KCNT2: variants seen among roughly 807,000 people sequenced by gnomAD.
The protein encoded by KCNT2 is potassium sodium-activated channel subfamily T member 2.
Under a neutral mutation model 153.8 loss-of-function variants are expected in KCNT2, and 67 were observed. The observed-to-expected ratio is 0.44, with a 90% CI of 0.36 to 0.53. The LOEUF is 0.53. Ranked by LOEUF, KCNT2 falls within the 20% of genes least tolerant of loss-of-function variation. KCNT2 has a pLI of 0.00. For missense variants in KCNT2, 975 were observed against 1,354.8 expected (o/e 0.72, Z 4.40); for synonymous variants, 500 against 458.8 (o/e 1.09, Z -1.15).
intron 22 of KCNT2, among the ~76,000 whole-genome samples, chr1:196,291,379 C>A (rs1276007560): frequency 6.6e-6 from 1 of 151,824 alleles, no homozygotes; most frequent in East Asian, 1.9e-4. Context: ...TTTTCAAAAC[C>A]TATTGACTTT....
At chr1:196,335,286 C>A (rs1282011678) in intron 16 of KCNT2, among the ~76,000 whole-genome samples, 3 of 152,066 alleles carry the variant, frequency 2.0e-5, no homozygotes, top group Non-Finnish European at 4.4e-5. Flanking sequence ...TTGGTGATTT[C>A]TTAGATATTC....
chr1:196,247,250 A>G (rs534605421), intron 26 of KCNT2, among the ~76,000 whole-genome samples: 7 of 152,206 alleles, frequency 4.6e-5, no homozygotes, highest in Admixed American at 1.3e-4. Context: ...GAAAATATAC[A>G]TGCAACCAAC....
intron 18 of KCNT2, among the ~76,000 whole-genome samples, chr1:196,327,647 T>C (rs1467040579): frequency 1.3e-5 from 2 of 149,892 alleles, no homozygotes; most frequent in African/African-American, 5.0e-5. Context: ...GGAACATTTA[T>C]CACCTCTGGA....
Position 196,313,150 on chromosome 1 carries a change from G to A in KCNT2, c.2483+2742C>T, listed in dbSNP as rs11806529. On this transcript the variant is annotated intron_variant, in intron 21 of 27. Coordinates refer to ENST00000294725, the MANE Select transcript of KCNT2 (RefSeq NM_198503.5). ...TGAATCTGGGTAAGGAAGGGAAAAAGCCCTCAGGTGACTAGGGTAAGTAAA... is the reference window on the plus strand; with the variant it reads ...TGAATCTGGGTAAGGAAGGGAAAAAACCCTCAGGTGACTAGGGTAAGTAAA... Among the ~76,000 whole-genome samples, 5 of 151,754 alleles carry A rather than the reference G, an allele frequency of 3.3e-5. No individual in the cohort carries two copies. The Admixed American group carries it at 3.3e-4, about 10-fold the overall frequency.
At chr1:196,564,347 T>C (rs1043126518) in intron 1 of KCNT2, among the ~76,000 whole-genome samples, 1 of 151,748 alleles carries the variant, frequency 6.6e-6, no homozygotes. Flanking sequence ...ATGAAAGAAA[T>C]TGAAGAAACA....
At chr1:196,257,957 AT>A (rs2147778350) in intron 26 of KCNT2, 2 of 1,150,040 alleles carry the variant, frequency 1.7e-6, no homozygotes, top group South Asian at 7.5e-5. Context: ...AATTAAGATA[AT>A]TCATGTAATG....
At position 196,349,645 on chromosome 1, in the gene KCNT2, G is replaced by C. The variant is rs577231576; in HGVS notation, c.1404-7417C>G. ...GCTGCCTCACTTTGTGGAGTAGATGGGGTACTAGAAAGATAGGTCAAACCT... is the reference window on the plus strand; with the variant it reads ...GCTGCCTCACTTTGTGGAGTAGATGCGGTACTAGAAAGATAGGTCAAACCT... On this transcript the variant is annotated intron_variant, in intron 14 of 27. Coordinates refer to ENST00000294725, the MANE Select transcript of KCNT2 (RefSeq NM_198503.5). Among the ~76,000 whole-genome samples the C allele has an allele frequency of 3.3e-5, 5 of 151,712 alleles. No individual in the cohort carries two copies. In the South Asian group the frequency reaches 8.4e-4, roughly 25 times the overall value.
intron 1 of KCNT2, among the ~76,000 whole-genome samples, chr1:196,597,826 A>C (rs940593906): frequency 1.3e-5 from 2 of 152,188 alleles, no homozygotes; most frequent in African/African-American, 4.8e-5. Context: ...GAACCACTGC[A>C]AATCTTTAGA....
chr1:196,527,965 T>G (rs950560651), intron 1 of KCNT2, among the ~76,000 whole-genome samples: 1 of 152,172 alleles, frequency 6.6e-6, no homozygotes, highest in Non-Finnish European at 1.5e-5. Context: ...CTATCTCTAA[T>G]AAGCATTTTT....
chr1:196,280,217 A>C (rs1658967000), intron 25 of KCNT2, among the ~76,000 whole-genome samples: 1 of 152,230 alleles, frequency 6.6e-6, no homozygotes, highest in South Asian at 2.1e-4. Flanking sequence ...ACTTAGAACA[A>C]CATGAACCAC....
intron 13 of KCNT2, among the ~76,000 whole-genome samples, chr1:196,383,741 T>A (rs1312898502): frequency 6.6e-6 from 1 of 152,182 alleles, no homozygotes; most frequent in East Asian, 1.9e-4. Context: ...ACGCATTCTA[T>A]GAAGACTAAA....
At chr1:196,266,185 C>T (rs748123578) in intron 25 of KCNT2, among the ~76,000 whole-genome samples, 11 of 152,236 alleles carry the variant, frequency 7.2e-5, no homozygotes, top group Middle Eastern at 6.8e-3. Flanking sequence ...GCCTCTACAA[C>T]ATAAGCTCCA....
chr1:196,594,011 C>T (rs1236566806), intron 1 of KCNT2, among the ~76,000 whole-genome samples: 1 of 151,960 alleles, frequency 6.6e-6, no homozygotes, highest in African/African-American at 2.4e-5. Flanking sequence ...TACACACACA[C>T]AAGAATTCAA....
chr1:196,552,381 A>C (rs577217476), intron 1 of KCNT2, among the ~76,000 whole-genome samples: 1 of 151,428 alleles, frequency 6.6e-6, no homozygotes, highest in South Asian at 2.1e-4. Flanking sequence ...AAACTAAAAC[A>C]TCCCTGTTTT....
At chr1:196,576,445 T>G (rs2148963724) in intron 1 of KCNT2, among the ~76,000 whole-genome samples, 1 of 152,214 alleles carries the variant, frequency 6.6e-6, no homozygotes, top group South Asian at 2.1e-4. Flanking sequence ...CACGCCAAAC[T>G]TGTTGGGAAT....
rs1332012045 is a variant in KCNT2, at chr1:196,236,047, T to C, written c.3235A>G (p.Thr1079Ala). The C allele has an allele frequency of 6.3e-7, 1 of 1,597,250 alleles. No homozygotes were observed. The highest frequency in any genetic ancestry group is 8.6e-7 in the Non-Finnish European group (1 of 1,165,722). Residue 1079 changes from threonine to alanine, a missense_variant, in exon 27 of 28, where the codon ACC becomes GCC. By Grantham distance (58) the Thr-to-Ala change is moderately conservative (BLOSUM62 0). Coordinates refer to ENST00000294725, the MANE Select transcript of KCNT2 (RefSeq NM_198503.5). Reference sequence around the variant, plus strand: ...GGGTTAATCAGGATGTAGGAGAGGGTACTTTGATGATCATTCATTTCATCT... The same window carrying C: ...GGGTTAATCAGGATGTAGGAGAGGGCACTTTGATGATCATTCATTTCATCT... ...GYDEMNDHQS[T>A]LSYILINPSP...
At chr1:196,465,588 T>C (rs1475910409) in intron 7 of KCNT2, among the ~76,000 whole-genome samples, 1 of 151,900 alleles carries the variant, frequency 6.6e-6, no homozygotes, top group African/African-American at 2.4e-5. Flanking sequence ...GCTTGCATAG[T>C]TCAAAGATAT....
intron 1 of KCNT2, among the ~76,000 whole-genome samples, chr1:196,572,777 C>T (rs567714205): frequency 1.3e-5 from 2 of 152,048 alleles, no homozygotes; most frequent in South Asian, 2.1e-4. Context: ...AATGAATTAA[C>T]GCATAGGAAC....
At chr1:196,308,886 G>A (rs548060180) in intron 21 of KCNT2, among the ~76,000 whole-genome samples, 12 of 151,908 alleles carry the variant, frequency 7.9e-5, no homozygotes, top group Admixed American at 3.3e-4. Flanking sequence ...TAAAAATAAC[G>A]TTTTATAAAT....
Sources: gnomAD v4.1 joint callset for allele counts (sites outside exome capture counted in the v4.1 genomes callset) on GRCh38, gnomAD v4.1.1 for gene constraint, MANE v1.5 for transcripts, NCBI Gene and HGNC (gene_info 2026-07-23, HGNC 2026-07-21) for gene names.